Variants in DCBLD2 observed in about 807,000 individuals in gnomAD.
DCBLD2 encodes discoidin, CUB and LCCL domain-containing protein 2.
Under a neutral mutation model 86.8 loss-of-function variants are expected in DCBLD2, and 54 were observed. The ratio of observed to expected loss-of-function variants is 0.62; its 90% CI spans 0.50 to 0.78. The LOEUF (loss-of-function observed/expected upper bound fraction) is 0.78. Ranked by LOEUF, DCBLD2 falls within the 30% of genes least tolerant of loss-of-function variation. The probability of loss-of-function intolerance (pLI) is 0.00; values close to 1 mark genes in which losing one functional copy is unlikely to be tolerated. For missense variants in DCBLD2, 908 were observed against 954.2 expected (o/e 0.95, Z 0.64); for synonymous variants, 354 against 341.3 (o/e 1.04, Z -0.41).
chr3:98,830,029 CAT>C (rs1444792771), intron 3 of DCBLD2, among the ~76,000 whole-genome samples: 2 of 152,190 alleles, frequency 1.3e-5, no homozygotes, highest in East Asian at 1.9e-4. Flanking sequence ...TTATTGGCCA[CAT>C]ATGTGTCTTC....
At chr3:98,869,359 G>T (rs1157974777) in intron 2 of DCBLD2, among the ~76,000 whole-genome samples, 1 of 152,180 alleles carries the variant, frequency 6.6e-6, no homozygotes, top group Non-Finnish European at 1.5e-5. Context: ...TTTGTCAGAT[G>T]TATAGTTTAC....
intron 1 of DCBLD2, among the ~76,000 whole-genome samples, chr3:98,896,516 T>G (rs1943752735): frequency 6.6e-6 from 1 of 152,204 alleles, no homozygotes; most frequent in East Asian, 1.9e-4. Context: ...GTGTGCTAAA[T>G]TAGCCTATAA....
intron 3 of DCBLD2, among the ~76,000 whole-genome samples, chr3:98,841,734 T>C (rs1340702107): frequency 6.6e-6 from 1 of 152,226 alleles, no homozygotes; most frequent in Non-Finnish European, 1.5e-5. Context: ...TAAACATTTT[T>C]GCACAGTTGA....
At chr3:98,805,607 A>G (rs1941823653) in intron 13 of DCBLD2, among the ~76,000 whole-genome samples, 1 of 152,162 alleles carries the variant, frequency 6.6e-6, no homozygotes, top group Non-Finnish European at 1.5e-5. Context: ...CAGCATATTA[A>G]TGGTATCTGC....
intron 4 of DCBLD2, among the ~76,000 whole-genome samples, chr3:98,823,168 C>T (rs1194999761): frequency 5.9e-5 from 9 of 152,246 alleles, no homozygotes; most frequent in African/African-American, 1.2e-4. Context: ...TGACTGTGCC[C>T]GGCCAGGACC....
chr3:98,863,846 A>G (rs1490564964), intron 2 of DCBLD2, among the ~76,000 whole-genome samples: 8 of 152,232 alleles, frequency 5.3e-5, no homozygotes, highest in African/African-American at 1.9e-4. Flanking sequence ...CAAAAGCCAA[A>G]ATTGACAAAT....
At chr3:98,868,462 A>G (rs917203686) in intron 2 of DCBLD2, among the ~76,000 whole-genome samples, 2 of 152,076 alleles carry the variant, frequency 1.3e-5, no homozygotes, top group African/African-American at 4.8e-5. Context: ...TTATTTATAT[A>G]TTTTTTTAAT....
chr3:98,804,445 T>C lies in DCBLD2; in HGVS notation c.1671-2796A>G, dbSNP rs545555343. 5.5e-4 allele frequency among the ~76,000 whole-genome samples: 83 copies of C among 152,268 alleles called. No homozygotes were observed. The South Asian group carries it at 0.016, about 30-fold the overall frequency. ...ATTTGATTCTTCTCTCTTTTCTTCT[T>C]TATTAGTCTTGCTAGCAGTCTATCA... On this transcript the variant is annotated intron_variant, in intron 13 of 15. Transcript: ENST00000326840.
chr3:98,830,882 T>C (rs1942308937), intron 3 of DCBLD2, among the ~76,000 whole-genome samples: 1 of 152,198 alleles, frequency 6.6e-6, no homozygotes, highest in Non-Finnish European at 1.5e-5. Flanking sequence ...TGGCATGTTT[T>C]TCCACTTGTT....
chr3:98,836,373 T>C (rs1039850082), intron 3 of DCBLD2, among the ~76,000 whole-genome samples: 43 of 149,862 alleles, frequency 2.9e-4, no homozygotes, highest in African/African-American at 9.9e-4. Flanking sequence ...ACATGGAACG[T>C]TAGTTCCACA....
At chr3:98,884,376 T>C (rs929654124) in intron 1 of DCBLD2, among the ~76,000 whole-genome samples, 10 of 150,922 alleles carry the variant, frequency 6.6e-5, no homozygotes, top group African/African-American at 2.4e-4. Flanking sequence ...CTTTTGCAAA[T>C]ATAAAATGTA....
intron 2 of DCBLD2, among the ~76,000 whole-genome samples, chr3:98,861,806 A>C (rs1559790569): frequency 6.6e-6 from 1 of 152,220 alleles, no homozygotes; most frequent in East Asian, 1.9e-4. Context: ...TAACATCACA[A>C]TTAAAAGAAC....
intron 1 of DCBLD2, among the ~76,000 whole-genome samples, chr3:98,884,546 TAAAC>T (rs961438006): frequency 1.3e-5 from 2 of 152,028 alleles, no homozygotes; most frequent in Non-Finnish European, 2.9e-5. Flanking sequence ...AAATAACTCT[TAAAC>T]AATCACTAAC....
intron 2 of DCBLD2, among the ~76,000 whole-genome samples, chr3:98,879,764 T>G (rs1943429245): frequency 6.6e-6 from 1 of 152,176 alleles, no homozygotes; most frequent in African/African-American, 2.4e-5. Flanking sequence ...CTCCTCCTAT[T>G]TTTTTAAAAT....
At chr3:98,863,606 A>C (rs1262589858) in intron 2 of DCBLD2, among the ~76,000 whole-genome samples, 1 of 152,238 alleles carries the variant, frequency 6.6e-6, no homozygotes, top group African/African-American at 2.4e-5. Flanking sequence ...AAAACAAGAA[A>C]TGGGGAAAGG....
At chr3:98,873,888 A>G (rs1304695790) in intron 2 of DCBLD2, among the ~76,000 whole-genome samples, 1 of 152,190 alleles carries the variant, frequency 6.6e-6, no homozygotes, top group East Asian at 1.9e-4. Context: ...GTAAAATAAG[A>G]AATGACAGGA....
chr3:98,809,065 C>A (rs1941888851), intron 12 of DCBLD2, among the ~76,000 whole-genome samples: 1 of 151,892 alleles, frequency 6.6e-6, no homozygotes, highest in Non-Finnish European at 1.5e-5. Flanking sequence ...TTAAGAAAGT[C>A]AATTGGAAAT....
At position 98,798,137 on chromosome 3, in the gene DCBLD2, T is replaced by A. The variant is rs828607; in HGVS notation, c.*1235A>T. On this transcript the variant is annotated 3_prime_UTR_variant, in exon 16 of 16. Coordinates refer to ENST00000326840, the MANE Select transcript of DCBLD2 (RefSeq NM_080927.4). Reference sequence around the variant, plus strand: ...CAAGGCATGAATATTCATTTGCTAGTAAGCTATAATGTCTGTTCCCTAGGT... The same window carrying A: ...CAAGGCATGAATATTCATTTGCTAGAAAGCTATAATGTCTGTTCCCTAGGT... 1 of 152,186 alleles carries A rather than the reference T, an allele frequency of 6.6e-6. No individual in the cohort carries two copies. Among genetic ancestry groups the A allele is most frequent in the Non-Finnish European group, 1.5e-5 (1 of 68,056 alleles). 9.4% of individuals were successfully genotyped at this position (152,186 alleles called of 1,614,324 possible).
At chr3:98,861,755 T>C (rs908431423) in intron 2 of DCBLD2, among the ~76,000 whole-genome samples, 5 of 152,004 alleles carry the variant, frequency 3.3e-5, no homozygotes, top group African/African-American at 9.7e-5. Context: ...AAGCACTAAA[T>C]GCCCACAAGA....
Sources: allele counts gnomAD v4.1 joint callset (sites outside exome capture counted in the v4.1 genomes callset), GRCh38; gene constraint gnomAD v4.1.1; transcripts MANE v1.5; gene names NCBI Gene and HGNC (gene_info 2026-07-23, HGNC 2026-07-21).